Variants in PRKACB observed in about 807,000 individuals in gnomAD.
PRKACB encodes cAMP-dependent protein kinase catalytic subunit beta.
PRKACB carries 16 observed loss-of-function variants against 51.4 expected under a neutral mutation model. The observed-to-expected ratio is 0.31, with a 90% CI of 0.21 to 0.47. The LOEUF (loss-of-function observed/expected upper bound fraction) is 0.47. Among genes scored for constraint, PRKACB ranks in the 20% least tolerant of loss-of-function variants. The pLI, the probability that PRKACB is intolerant of heterozygous loss-of-function variation, is 1.00. For missense variants in PRKACB, 309 were observed against 464.5 expected (o/e 0.67, Z 3.08); for synonymous variants, 147 against 154.4 (o/e 0.95, Z 0.35).
intron 9 of PRKACB, among the ~76,000 whole-genome samples, chr1:84,232,102 G>A (rs1675785258): frequency 6.6e-6 from 1 of 151,938 alleles, no homozygotes; most frequent in Admixed American, 6.5e-5. Flanking sequence ...ATGTGTCCCA[G>A]AGATTCTGGT....
At chr1:84,181,314 T>C (rs1663381377) in intron 2 of PRKACB, among the ~76,000 whole-genome samples, 1 of 152,036 alleles carries the variant, frequency 6.6e-6, no homozygotes, top group South Asian at 2.1e-4. Context: ...TCTGATATTT[T>C]CATGGAGTTC....
intron 1 of PRKACB, chr1:84,173,295 G>A: frequency 1.3e-6 from 2 of 1,532,358 alleles, no homozygotes; most frequent in Non-Finnish European, 1.8e-6. Flanking sequence ...TATTTTATGT[G>A]TTATTTAATC....
chr1:84,196,755 C>G lies in PRKACB; in HGVS notation c.687+13C>G. The G allele has an allele frequency of 6.2e-7, 1 of 1,609,540 alleles. No individual in the cohort carries two copies. The highest frequency in any genetic ancestry group is 8.5e-7 in the Non-Finnish European group (1 of 1,176,520). Reference sequence around the variant, plus strand: ...AGGCTATATCCAGGTATGACTTTAACACATTATGTGTACTGTATATGAGAA... The same window carrying G: ...AGGCTATATCCAGGTATGACTTTAAGACATTATGTGTACTGTATATGAGAA... On this transcript the variant is annotated intron_variant, in intron 6 of 9. Transcript: ENST00000370685.
intron 1 of PRKACB, among the ~76,000 whole-genome samples, chr1:84,124,831 C>T (rs1319733087): frequency 6.6e-6 from 1 of 152,028 alleles, no homozygotes; most frequent in African/African-American, 2.4e-5. Flanking sequence ...TTGGCTAGGG[C>T]GTTAGTAGAT....
At chr1:84,104,290 T>C (rs1455261669) in intron 1 of PRKACB, among the ~76,000 whole-genome samples, 1 of 152,204 alleles carries the variant, frequency 6.6e-6, no homozygotes, top group Non-Finnish European at 1.5e-5. Flanking sequence ...TCATCCATGT[T>C]GCCACAAATA....
intron 1 of PRKACB, among the ~76,000 whole-genome samples, chr1:84,081,434 A>C (rs1417011036): frequency 1.4e-4 from 22 of 152,182 alleles, no homozygotes; most frequent in Admixed American, 1.4e-3. Context: ...CTCAAAACTT[A>C]ATGAAAGAAT....
chr1:84,202,877 A>C, intron 8 of PRKACB, 72 bp downstream of exon 8: 1 of 1,285,432 alleles, frequency 7.8e-7, no homozygotes, highest in Non-Finnish European at 1.1e-6. Flanking sequence ...TTGAAACTAT[A>C]TTGTGTCATA....
rs1657858991 is a variant in PRKACB at position 84,167,404 on chromosome 1, A to G, written c.188-11773A>G. On this transcript the variant is annotated intron_variant, in intron 1 of 9. Transcript: ENST00000370685. The stretch of plus-strand genomic sequence containing the variant: ...TTGATCTAGCCATACTATATTACAT[A>G]TAATTCCTTGCTACCTTTCCATATT... Among the ~76,000 whole-genome samples, 5 of 151,570 alleles carry G rather than the reference A, an allele frequency of 3.3e-5. No individual in the cohort carries two copies. In the South Asian group the frequency reaches 1.0e-3, roughly 31 times the overall value.
At chr1:84,190,617 G>T (rs1010185417) in intron 5 of PRKACB, among the ~76,000 whole-genome samples, 1 of 151,804 alleles carries the variant, frequency 6.6e-6, no homozygotes, top group Non-Finnish European at 1.5e-5. Flanking sequence ...TTTTAGTCTG[G>T]GTTTATAGCT....
At chr1:84,168,597 G>A (rs1349197508) in intron 1 of PRKACB, among the ~76,000 whole-genome samples, 5 of 151,518 alleles carry the variant, frequency 3.3e-5, no homozygotes, top group Non-Finnish European at 7.4e-5. Context: ...AATTGGGAAA[G>A]CAGTACATCA....
At chr1:84,199,948 C>T (rs190904466) in intron 7 of PRKACB, among the ~76,000 whole-genome samples, 2 of 152,114 alleles carry the variant, frequency 1.3e-5, no homozygotes, top group East Asian at 1.9e-4. Flanking sequence ...TGAGTTCAAG[C>T]GATTCTCGTG....
In PRKACB at chr1:84,148,241, A is replaced by G. The variant is rs1000975184; in HGVS notation, c.187+3693A>G. Reference sequence around the variant, plus strand: ...TACTTTAGGCATCCTCTCAGGTATCATCTCTGTAACAAAACCACCAATGTA... The same window carrying G: ...TACTTTAGGCATCCTCTCAGGTATCGTCTCTGTAACAAAACCACCAATGTA... On this transcript the variant is annotated intron_variant, in intron 1 of 9. Coordinates refer to ENST00000370685, the MANE Select transcript of PRKACB (RefSeq NM_182948.4). Among the ~76,000 whole-genome samples the G allele has an allele frequency of 3.9e-5, 6 of 152,082 alleles. No individual in the cohort carries two copies. In the South Asian group the frequency reaches 1.2e-3, roughly 32 times the overall value.
At chr1:84,234,576 C>T (rs1391277230) in intron 9 of PRKACB, among the ~76,000 whole-genome samples, 3 of 152,294 alleles carry the variant, frequency 2.0e-5, no homozygotes, top group East Asian at 1.9e-4. Flanking sequence ...ACTCCGTGGG[C>T]GTAGGTCCCT....
Position 84,106,911 on chromosome 1 carries a change from G to A in PRKACB, c.46+28540G>A, listed in dbSNP as rs112963178. 4.1e-3 allele frequency among the ~76,000 whole-genome samples: 628 copies of A among 151,956 alleles called. 4 individuals are homozygous for A. The highest frequency in any genetic ancestry group is 0.014 in the African/African-American group (594 of 41,472). ...AGTACTGGTATAAAAACAGACACAT[G>A]GACCAATGGAACAGAATAGAGAGCC... On this transcript the variant is annotated intron_variant, in intron 1 of 8. Coordinates refer to the PRKACB transcript ENST00000370688.
At chr1:84,215,664 G>A (rs1457469268) in intron 9 of PRKACB, among the ~76,000 whole-genome samples, 1 of 152,010 alleles carries the variant, frequency 6.6e-6, no homozygotes, top group African/African-American at 2.4e-5. Context: ...GTTTTGTTTT[G>A]TTTTTTGCTA....
At chr1:84,107,866 A>T (rs1235194804) in intron 1 of PRKACB, among the ~76,000 whole-genome samples, 1 of 152,100 alleles carries the variant, frequency 6.6e-6, no homozygotes, top group African/African-American at 2.4e-5. Context: ...AAAAGGGAGC[A>T]CTTACACAGC....
At chr1:84,164,524 T>G in intron 1 of PRKACB, 1 of 1,480,090 alleles carries the variant, frequency 6.8e-7, no homozygotes, top group Middle Eastern at 2.0e-4. Context: ...TATAATCATG[T>G]GGCTCTAAAA....
chr1:84,105,666 C>T, intron 1 of PRKACB, among the ~76,000 whole-genome samples: 1 of 152,042 alleles, frequency 6.6e-6, no homozygotes, highest in East Asian at 1.9e-4. Context: ...ACCTCCACCT[C>T]CCGGATTCAA....
In PRKACB at chr1:84,235,912, G is replaced by A. The variant is rs980637060; in HGVS notation, c.*607G>A. ...AATTTTGGTAGACTAATACAGTACA[G>A]CTAGACCCAGAAATTTGGAAGGCTG... On this transcript the variant is annotated 3_prime_UTR_variant, in exon 10 of 10. Coordinates refer to ENST00000370685, the MANE Select transcript of PRKACB (RefSeq NM_182948.4). 1 of 152,622 alleles carries A rather than the reference G, an allele frequency of 6.6e-6. No individual in the cohort carries two copies. Among genetic ancestry groups the A allele is most frequent in the African/African-American group, 2.4e-5 (1 of 41,434 alleles). The allele number at this position is 152,622 out of a possible 1,614,324, so 9.5% of individuals were successfully genotyped here.
Sources: allele counts gnomAD v4.1 joint callset (sites outside exome capture counted in the v4.1 genomes callset), GRCh38; gene constraint gnomAD v4.1.1; transcripts MANE v1.5; gene names NCBI Gene and HGNC (gene_info 2026-07-23, HGNC 2026-07-21).